Variants in SPO11 observed in about 807,000 individuals in gnomAD.
SPO11 encodes meiotic recombination protein SPO11.
SPO11 carries 49 observed loss-of-function variants against 51.6 expected under a neutral mutation model. That is an observed-to-expected ratio of 0.95 (90% CI 0.75 to 1.20). The LOEUF is 1.20. Among genes scored for constraint, SPO11 ranks in the 50% most tolerant of loss-of-function variants. The pLI is 0.00. For missense variants in SPO11, 431 were observed against 473.4 expected, an observed-to-expected ratio of 0.91 and a Z score of 0.83; for synonymous variants, 176 against 158.2, an observed-to-expected ratio of 1.11 and a Z score of -0.84.
chr20:57,334,887 A>G (rs766002529), intron 6 of SPO11, 51 bp downstream of exon 6: 1 of 1,455,162 alleles, frequency 6.9e-7, no homozygotes, highest in Non-Finnish European at 9.5e-7. Context: ...TAGCTCCTTC[A>G]GTTTTGAAGC....
chr20:57,334,489 T>C (rs2066487822), intron 5 of SPO11, among the ~76,000 whole-genome samples: 1 of 152,256 alleles, frequency 6.6e-6, no homozygotes, highest in Admixed American at 6.5e-5. Context: ...AGTCTTCTTT[T>C]GCTATTATTT....
At chr20:57,336,093 CT>C (rs942817498) in intron 8 of SPO11, among the ~76,000 whole-genome samples, 186 bp downstream of exon 8, 9 of 149,338 alleles carry the variant, frequency 6.0e-5, no homozygotes, top group Admixed American at 6.7e-5. Context: ...ACCTCAAGTT[CT>C]TTTTTTTTTA....
At chr20:57,341,444 C>A (rs960929352) in intron 11 of SPO11, among the ~76,000 whole-genome samples, 1 of 152,170 alleles carries the variant, frequency 6.6e-6, no homozygotes, top group African/African-American at 2.4e-5. Flanking sequence ...ATGGCATTAA[C>A]ATTTTTTTTC....
Position 57,343,547 on chromosome 20 carries a change from T to A in SPO11, c.*87T>A. ...AATACTATTGTGGAAAGAACATATA[T>A]TATATTCTTAATTCTGTAAAAGTGA... On this transcript the variant is annotated 3_prime_UTR_variant, in exon 13 of 13. Transcript: ENST00000371263. The A allele has an allele frequency of 7.8e-7, 1 of 1,286,396 alleles. No individual in the cohort carries two copies. The highest frequency in any genetic ancestry group is 1.1e-6 in the Non-Finnish European group (1 of 944,226). 79.7% of individuals were successfully genotyped at this position (1,286,396 alleles called of 1,614,324 possible).
intron 10 of SPO11, among the ~76,000 whole-genome samples, chr20:57,339,850 C>T (rs2066558813): frequency 1.3e-5 from 2 of 152,150 alleles, no homozygotes; most frequent in Non-Finnish European, 2.9e-5. Flanking sequence ...GCCATCCTCC[C>T]GCCTTGGTCT....
At chr20:57,338,440 C>T in intron 9 of SPO11, 65 bp downstream of exon 9, 7 of 1,188,460 alleles carry the variant, frequency 5.9e-6, no homozygotes, top group Admixed American at 2.3e-5. Flanking sequence ...GTTGTGTTTT[C>T]TTCCTCTTTT....
chr20:57,330,313 A>G (rs2146074302), intron 1 of SPO11, among the ~76,000 whole-genome samples: 1 of 152,282 alleles, frequency 6.6e-6, no homozygotes, highest in African/African-American at 2.4e-5. Context: ...AGTTTGGGGT[A>G]CAGTTAGCTT....
chr20:57,343,040 T>A (rs972268394), intron 12 of SPO11, among the ~76,000 whole-genome samples, 200 bp downstream of exon 12: 1 of 152,192 alleles, frequency 6.6e-6, no homozygotes, highest in African/African-American at 2.4e-5. Context: ...GGAGCTGGCC[T>A]GTTTGTATCC....
chr20:57,343,452 T>C lies in SPO11; in HGVS notation c.1183T>C (p.Trp395Arg), dbSNP rs573681690. 4 of 1,594,780 alleles carry C rather than the reference T, an allele frequency of 2.5e-6. No homozygotes were observed. Among genetic ancestry groups the C allele is most frequent in the Non-Finnish European group, 3.4e-6 (4 of 1,174,770 alleles). Residue 395 changes from tryptophan to arginine, a missense_variant, in exon 13 of 13, where the codon TGG (tryptophan) becomes CGG (arginine). By Grantham distance (101) the Trp-to-Arg change is moderately radical (BLOSUM62 -3). Transcript: ENST00000371263. ...ACCTAACAAATTAAAATTTGGAGGA[T>C]GGATATAAAAATAAATCAGAAGAAC... ...YLPNKLKFGGWI is the reference protein window; with the variant it reads ...YLPNKLKFGGRI
At chr20:57,335,764 T>A (rs1449722078) in intron 7 of SPO11, 34 bp from the exon 8 acceptor site, 2 of 1,286,504 alleles carry the variant, frequency 1.6e-6, no homozygotes, top group Non-Finnish European at 2.2e-6. Flanking sequence ...ATTGAAATAC[T>A]CTTGCTTTCA....
chr20:57,334,879 G>C, intron 6 of SPO11, 43 bp downstream of exon 6: 2 of 1,515,376 alleles, frequency 1.3e-6, no homozygotes, highest in Non-Finnish European at 1.8e-6. Context: ...AACTCTTCTA[G>C]CTCCTTCAGT....
chr20:57,337,900 A>G lies in SPO11; in HGVS notation c.745-376A>G, dbSNP rs557417900. 7 of 541,584 alleles carry G rather than the reference A, an allele frequency of 1.3e-5. No homozygotes were observed. The South Asian group carries it at 1.6e-4, about 12-fold the overall frequency. The allele number at this position is 541,584 out of a possible 1,614,324, so 33.5% of individuals were successfully genotyped here. Reference sequence around the variant, plus strand: ...ATTTATTATTACTATTATTATTATGATTTTGAGGTGGAGTTTCACTCTTTT... The same window carrying G: ...ATTTATTATTACTATTATTATTATGGTTTTGAGGTGGAGTTTCACTCTTTT... On this transcript the variant is annotated intron_variant, in intron 8 of 12. Coordinates refer to ENST00000371263, the MANE Select transcript of SPO11 (RefSeq NM_012444.3).
Position 57,338,317 on chromosome 20 carries a change from G to GA in SPO11, c.789dup (p.Leu264ThrfsTer16). The GA allele has an allele frequency of 6.2e-7, 1 of 1,613,836 alleles. No homozygotes were observed. Among genetic ancestry groups the GA allele is most frequent in the South Asian group, 1.1e-5 (1 of 91,040 alleles). The stretch of plus-strand genomic sequence containing the variant: ...ATCTAAACACAAGACTTTTAGTCAA[G>GA]AAACTGTGGGATACATTTCATGTTC... On this transcript the variant is annotated frameshift_variant, in exon 9 of 13. Coordinates refer to ENST00000371263, the MANE Select transcript of SPO11 (RefSeq NM_012444.3). LOFTEE classifies it high-confidence loss of function.
intron 11 of SPO11, among the ~76,000 whole-genome samples, chr20:57,342,020 A>C (rs2066588446): frequency 6.6e-6 from 1 of 152,028 alleles, no homozygotes; most frequent in Non-Finnish European, 1.5e-5. Flanking sequence ...ATTGAAAAAG[A>C]CTCTCCTGGG....
At chr20:57,338,214 G>A in intron 8 of SPO11, 62 bp from the exon 9 acceptor site, 2 of 1,177,540 alleles carry the variant, frequency 1.7e-6, no homozygotes, top group Non-Finnish European at 2.5e-6. Flanking sequence ...ATTAATAAGA[G>A]TATAATTGTA....
rs1280933028 is a variant in SPO11 at position 57,337,802 on chromosome 20, T to C, written c.745-474T>C. ...AAGATGTAACCCTTTTTTTTGGTGC[T>C]GTGACTCAGATATGAACCAGGGTTG... On this transcript the variant is annotated intron_variant, in intron 8 of 12. Coordinates refer to ENST00000371263, the MANE Select transcript of SPO11 (RefSeq NM_012444.3). 1.0e-5 allele frequency: 13 copies of C among 1,298,400 alleles called. No individual in the cohort carries two copies. In the South Asian group the frequency reaches 1.3e-4, roughly 13 times the overall value. The allele number at this position is 1,298,400 out of a possible 1,614,324, so 80.4% of individuals were successfully genotyped here.
chr20:57,336,486 C>A (rs910376276), intron 8 of SPO11, among the ~76,000 whole-genome samples: 1 of 152,188 alleles, frequency 6.6e-6, no homozygotes, highest in Admixed American at 6.5e-5. Flanking sequence ...CTTGTCATTT[C>A]CCTCCTTGCC....
chr20:57,335,588 G>C lies in SPO11; in HGVS notation c.634+133G>C, dbSNP rs2066502977. The C allele has an allele frequency of 1.3e-5, 11 of 857,380 alleles. No individual in the cohort carries two copies. In the South Asian group the frequency reaches 1.6e-4, roughly 12 times the overall value. The allele number at this position is 857,380 out of a possible 1,614,324, so 53.1% of individuals were successfully genotyped here. A position where few individuals can be genotyped will look rare whatever the true frequency, so the allele number is the denominator to read the frequency against. ...GTAGCAGTCAAGATGAACACACCATGGTCCCTTCTTTAGTACTCTTTTAGG... is the reference window on the plus strand; with the variant it reads ...GTAGCAGTCAAGATGAACACACCATCGTCCCTTCTTTAGTACTCTTTTAGG... On this transcript the variant is annotated intron_variant, in intron 7 of 12. Coordinates refer to ENST00000371263, the MANE Select transcript of SPO11 (RefSeq NM_012444.3).
rs2066419265 is a variant in SPO11 at position 57,329,817 on chromosome 20, G to A, written c.-51G>A. The stretch of plus-strand genomic sequence containing the variant: ...GAAAGGCACGCAGCCACGCCCCAAG[G>A]GCGCAGCCTAGGACAGGGGCTTCTG... On this transcript the variant is annotated 5_prime_UTR_variant, in exon 1 of 13. Transcript: ENST00000371263. 1 of 1,555,650 alleles carries A rather than the reference G, an allele frequency of 6.4e-7. No homozygotes were observed.
Sources: gnomAD v4.1 joint callset for allele counts (sites outside exome capture counted in the v4.1 genomes callset) on GRCh38, gnomAD v4.1.1 for gene constraint, MANE v1.5 for transcripts, NCBI Gene and HGNC (gene_info 2026-07-23, HGNC 2026-07-21) for gene names.